DMXL2: variants seen among roughly 807,000 people sequenced by gnomAD.
DMXL2 encodes Dmx like 2, also known as dmX-like protein 2.
A neutral mutation model predicts 331.1 loss-of-function variants in DMXL2; 103 were observed. That is an observed-to-expected ratio of 0.31 (90% CI 0.27 to 0.37). The LOEUF is 0.37. DMXL2 is among the 10% of genes least tolerant of loss of function. The pLI, the probability that DMXL2 is intolerant of heterozygous loss-of-function variation, is 1.00. For missense variants in DMXL2, 3,171 were observed against 3,642.9 expected (o/e 0.87, Z 3.33); for synonymous variants, 1,281 against 1,252.1 (o/e 1.02, Z -0.49).
At chr15:51,610,851 T>C (rs1357782253) in intron 1 of DMXL2, among the ~76,000 whole-genome samples, 1 of 152,094 alleles carries the variant, frequency 6.6e-6, no homozygotes, top group African/African-American at 2.4e-5. Flanking sequence ...CGCATGCCAC[T>C]TGCACACAAT....
At chr15:51,546,378 T>C (rs1370318428) in intron 7 of DMXL2, among the ~76,000 whole-genome samples, 2 of 152,104 alleles carry the variant, frequency 1.3e-5, no homozygotes, top group Non-Finnish European at 2.9e-5. Context: ...ATTCTGCAAA[T>C]AGATGCAGAT....
At chr15:51,533,758 A>G (rs1164254107) in intron 13 of DMXL2, among the ~76,000 whole-genome samples, 1 of 152,230 alleles carries the variant, frequency 6.6e-6, no homozygotes, top group Non-Finnish European at 1.5e-5. Flanking sequence ...TCCTTGAAAC[A>G]AGCTGGAAAA....
At chr15:51,470,807 G>T (rs1374762640) in intron 29 of DMXL2, among the ~76,000 whole-genome samples, 7 of 152,148 alleles carry the variant, frequency 4.6e-5, no homozygotes, top group Admixed American at 4.6e-4. Flanking sequence ...TGGGAAAACA[G>T]AGATGTATCA....
At chr15:51,467,213 T>C (rs1002086017) in intron 29 of DMXL2, among the ~76,000 whole-genome samples, 1 of 152,070 alleles carries the variant, frequency 6.6e-6, no homozygotes, top group Non-Finnish European at 1.5e-5. Context: ...AAAATAAATG[T>C]ACACATTTAT....
At chr15:51,514,402 G>C in intron 15 of DMXL2, 40 bp downstream of exon 15, 2 of 1,163,538 alleles carry the variant, frequency 1.7e-6, no homozygotes, top group Non-Finnish European at 2.5e-6. Flanking sequence ...TCATTTTTTA[G>C]CATGAAGGTA....
chr15:51,577,306 T>C (rs1481331286), intron 1 of DMXL2, among the ~76,000 whole-genome samples: 4 of 152,138 alleles, frequency 2.6e-5, no homozygotes, highest in East Asian at 3.8e-4. Flanking sequence ...AAGGGATCCA[T>C]ATAAGGCTGC....
At chr15:51,518,519 T>TA (rs1174260979) in intron 13 of DMXL2, among the ~76,000 whole-genome samples, 1 of 152,144 alleles carries the variant, frequency 6.6e-6, no homozygotes, top group Non-Finnish European at 1.5e-5. Flanking sequence ...AATGCATACT[T>TA]ACTCCCTGAA....
At chr15:51,469,904 G>C (rs2040938777) in intron 29 of DMXL2, among the ~76,000 whole-genome samples, 1 of 152,168 alleles carries the variant, frequency 6.6e-6, no homozygotes, top group Non-Finnish European at 1.5e-5. Context: ...CCCTGATAGA[G>C]TGTAAACCTG....
At chr15:51,588,161 G>GTTT (rs200523115) in intron 1 of DMXL2, among the ~76,000 whole-genome samples, 1 of 141,406 alleles carries the variant, frequency 7.1e-6, no homozygotes, top group Non-Finnish European at 1.5e-5. Context: ...TTGTTTAGGG[G>GTTT]TTTTTTTTTT....
At chr15:51,590,512 C>T (rs923085378) in intron 1 of DMXL2, among the ~76,000 whole-genome samples, 1 of 152,108 alleles carries the variant, frequency 6.6e-6, no homozygotes, top group Non-Finnish European at 1.5e-5. Flanking sequence ...TTTTCTATAT[C>T]CTTACAATAA....
chr15:51,592,284 C>T (rs139791786), intron 1 of DMXL2, among the ~76,000 whole-genome samples: 151 of 151,830 alleles, frequency 9.9e-4, no homozygotes, highest in African/African-American at 3.5e-3. Flanking sequence ...AAGCCTCAGT[C>T]GCTGATTCGA....
chr15:51,557,819 A>G (rs555053061), intron 6 of DMXL2, among the ~76,000 whole-genome samples: 1 of 152,368 alleles, frequency 6.6e-6, no homozygotes, highest in African/African-American at 2.4e-5. Context: ...CCAGATATCC[A>G]TAAGGAAAAA....
Position 51,508,192 on chromosome 15 carries a change from G to C in DMXL2, c.2645-939C>G, listed in dbSNP as rs533188206. 1.2e-3 allele frequency among the ~76,000 whole-genome samples: 186 copies of C among 152,252 alleles called. 1 individual carries two copies. The highest frequency in any genetic ancestry group is 4.3e-3 in the African/African-American group (180 of 41,528). On this transcript the variant is annotated intron_variant, in intron 15 of 43. Transcript: ENST00000560891. ...GGGCCTGTTTGGGGGTAGGGGGCTA[G>C]GAAGGGGAAAGAATTAGGAGAAAGA...
At position 51,471,264 on chromosome 15, in the gene DMXL2, T is replaced by G. The variant is rs768770208; in HGVS notation, c.7351A>C (p.Ile2451Leu). 1 of 1,614,082 alleles carries G rather than the reference T, an allele frequency of 6.2e-7. No individual in the cohort carries two copies. The highest frequency in any genetic ancestry group is 1.1e-5 in the South Asian group (1 of 91,072). The change falls in exon 29 of 44, where the codon ATT becomes CTT. Residue 2451 changes from isoleucine to leucine, a missense_variant. Transcript: ENST00000560891. ...TCCCACATACTAAGTTCGGGAGGAA[T>G]AAATTTTTCTTTGTAAGATGGTCTT... ...AERPSYKEKFIPPELSMWDYF... is the reference protein window; with the variant it reads ...AERPSYKEKFLPPELSMWDYF...
intron 6 of DMXL2, among the ~76,000 whole-genome samples, chr15:51,559,573 TAGCC>T (rs1328596226): frequency 6.6e-6 from 1 of 151,912 alleles, no homozygotes; most frequent in Non-Finnish European, 1.5e-5. Flanking sequence ...AGATAAAACT[TAGCC>T]AGCCATGGTG....
intron 3 of DMXL2, among the ~76,000 whole-genome samples, chr15:51,566,278 T>TGC (rs2050285195): frequency 2.2e-5 from 3 of 136,760 alleles, no homozygotes; most frequent in African/African-American, 8.2e-5. Flanking sequence ...TGTGTGTGTG[T>TGC]GCATCTGCAA....
At chr15:51,591,219 G>A (rs1391989669) in intron 1 of DMXL2, among the ~76,000 whole-genome samples, 4 of 152,204 alleles carry the variant, frequency 2.6e-5, no homozygotes, top group South Asian at 2.1e-4. Context: ...CTGGAAAATC[G>A]GGTCACTCCC....
chr15:51,495,855 C>A (rs532220076), intron 18 of DMXL2, among the ~76,000 whole-genome samples: 99 of 150,824 alleles, frequency 6.6e-4, no homozygotes, highest in African/African-American at 1.9e-3. Flanking sequence ...AAAAAAAAAA[C>A]AAAAACTTTT....
chr15:51,585,371 C>A (rs1180523038), intron 1 of DMXL2, among the ~76,000 whole-genome samples: 1 of 151,516 alleles, frequency 6.6e-6, no homozygotes, highest in East Asian at 1.9e-4. Context: ...GCTTTTTCTG[C>A]ATCTATTGAG....
Sources: gnomAD v4.1 joint callset for allele counts (sites outside exome capture counted in the v4.1 genomes callset) on GRCh38, gnomAD v4.1.1 for gene constraint, MANE v1.5 for transcripts, NCBI Gene and HGNC (gene_info 2026-07-23, HGNC 2026-07-21) for gene names.